Variants in TET1 observed in about 807,000 individuals in gnomAD.
The protein encoded by TET1 is methylcytosine dioxygenase TET1.
TET1 carries 13 observed loss-of-function variants against 148.7 expected under a neutral mutation model. The ratio of observed to expected loss-of-function variants is 0.09; its 90% confidence interval spans 0.06 to 0.14. The LOEUF is 0.14. TET1 is among the 10% of genes least tolerant of loss of function. TET1 has a pLI of 1.00. For synonymous variants in TET1, 907 were observed against 937.2 expected, an observed-to-expected ratio of 0.97 and a Z score of 0.59; for missense variants, 2,182 against 2,553.8, an observed-to-expected ratio of 0.85 and a Z score of 3.14.
chr10:68,673,488 G>T, intron 8 of TET1: 1 of 357,434 alleles, frequency 2.8e-6, no homozygotes, highest in South Asian at 2.3e-5. Flanking sequence ...CGAGGCCATG[G>T]TGAGCAAAGA....
At chr10:68,626,699 C>T (rs959459899) in intron 3 of TET1, among the ~76,000 whole-genome samples, 8 of 151,360 alleles carry the variant, frequency 5.3e-5, no homozygotes, top group African/African-American at 1.9e-4. Flanking sequence ...TATAGGTATG[C>T]GCCACCACAC....
chr10:68,683,264 T>C (rs186610987), intron 10 of TET1, among the ~76,000 whole-genome samples: 30 of 150,848 alleles, frequency 2.0e-4, no homozygotes, highest in Non-Finnish European at 4.0e-4. Flanking sequence ...GCAGGAGTAC[T>C]TTTTTTTAAA....
At chr10:68,600,254 C>T (rs887226498) in intron 2 of TET1, among the ~76,000 whole-genome samples, 4 of 152,162 alleles carry the variant, frequency 2.6e-5, no homozygotes, top group Non-Finnish European at 4.4e-5. Context: ...GGCAGAGCAG[C>T]GCACCCCTCC....
rs140752046 is a variant in TET1, at chr10:68,573,360, C to T, written c.1022C>T (p.Ala341Val). 7.6e-4 allele frequency: 1,222 copies of T among 1,613,998 alleles called. 2 individuals carry two copies. The highest frequency in any genetic ancestry group is 9.7e-4 in the Non-Finnish European group (1,145 of 1,180,032). Reference sequence around the variant, plus strand: ...GGCTCAAAACAAGCGACCCTTGGTGCTAAACCAGATCATCAAGAGGCCTTC... The same window carrying T: ...GGCTCAAAACAAGCGACCCTTGGTGTTAAACCAGATCATCAAGAGGCCTTC... ...LAGSKQATLG[A>V]KPDHQEAFEA... The change falls in exon 2 of 12, where the codon GCT becomes GTT. Residue 341 changes from alanine to valine, a missense_variant. This residue lies in a region of TET1 where 665 missense variants were observed against 672.4 expected (regional missense o/e 0.99). Transcript: ENST00000373644.
rs142856098 is a variant in TET1 at position 68,608,372 on chromosome 10, A to G, written c.1968+7338A>G. On this transcript the variant is annotated intron_variant, in intron 3 of 11. Coordinates refer to ENST00000373644, the MANE Select transcript of TET1 (RefSeq NM_030625.3). Reference sequence around the variant, plus strand: ...TACCTCAACCTCCCGAGTAACTGGGATTACAGGCGTCCGCCACCATGCCTG... The same window carrying G: ...TACCTCAACCTCCCGAGTAACTGGGGTTACAGGCGTCCGCCACCATGCCTG... 1.5e-4 allele frequency among the ~76,000 whole-genome samples: 23 copies of G among 152,014 alleles called. No individual in the cohort carries two copies. The East Asian group carries it at 4.5e-3, about 29-fold the overall frequency.
chr10:68,639,161 C>A (rs1336378595), intron 3 of TET1, among the ~76,000 whole-genome samples: 1 of 144,716 alleles, frequency 6.9e-6, no homozygotes, highest in African/African-American at 2.5e-5. Flanking sequence ...TTTTTTTTTT[C>A]TTTTAAGACA....
At chr10:68,688,962 C>T (rs1381201006) in intron 11 of TET1, among the ~76,000 whole-genome samples, 1 of 152,104 alleles carries the variant, frequency 6.6e-6, no homozygotes, top group East Asian at 1.9e-4. Context: ...GTTGGCAGTG[C>T]AGGCATTTAT....
At chr10:68,678,635 G>A (rs2055395389) in intron 8 of TET1, among the ~76,000 whole-genome samples, 1 of 151,594 alleles carries the variant, frequency 6.6e-6, no homozygotes, top group Admixed American at 6.6e-5. Flanking sequence ...CTGTAATTCC[G>A]GCTACTCAAG....
intron 6 of TET1, among the ~76,000 whole-genome samples, chr10:68,654,151 C>A (rs530026897): frequency 2.1e-5 from 3 of 142,466 alleles, no homozygotes; most frequent in Non-Finnish European, 4.6e-5. Flanking sequence ...GAATGCCTTT[C>A]GGGGGAGGGA....
intron 2 of TET1, among the ~76,000 whole-genome samples, chr10:68,597,945 A>G (rs1345866271): frequency 1.3e-5 from 2 of 152,226 alleles, no homozygotes; most frequent in Non-Finnish European, 2.9e-5. Context: ...AATGGAAGTC[A>G]GTATGGGCTG....
chr10:68,689,495 G>A (rs1455266001), intron 11 of TET1, among the ~76,000 whole-genome samples: 2 of 151,884 alleles, frequency 1.3e-5, no homozygotes, highest in Non-Finnish European at 2.9e-5. Flanking sequence ...GAGGTCAGGA[G>A]TTCAAGACCA....
intron 3 of TET1, among the ~76,000 whole-genome samples, chr10:68,643,344 A>G (rs2054789350): frequency 1.3e-5 from 2 of 152,182 alleles, no homozygotes; most frequent in South Asian, 4.2e-4. Flanking sequence ...TAAAAATAAC[A>G]CAATGCCCAT....
Position 68,647,980 on chromosome 10 carries a change from C to T in TET1, c.4276+975C>T, listed in dbSNP as rs530258814. Among the ~76,000 whole-genome samples the T allele has an allele frequency of 9.8e-5, 15 of 152,288 alleles. No homozygotes were observed. In the East Asian group the frequency reaches 1.3e-3, roughly 14 times the overall value. ...TAAAGAAATTCCATAATCTTGGCCA[C>T]TTGAAGAATTCATAAGCCTTTCTGA... On this transcript the variant is annotated intron_variant, in intron 4 of 11. Coordinates refer to ENST00000373644, the MANE Select transcript of TET1 (RefSeq NM_030625.3).
intron 5 of TET1, 101 bp from the exon 6 acceptor site, chr10:68,652,400 G>T (rs1023681907): frequency 4.2e-6 from 3 of 716,276 alleles, no homozygotes; most frequent in African/African-American, 3.7e-5. Context: ...TTGAACTTCT[G>T]TACATCTATA....
intron 6 of TET1, among the ~76,000 whole-genome samples, chr10:68,661,196 A>ATTTTTTTTTTTTTTTTTTTTT (rs974912892): frequency 1.3e-5 from 1 of 78,630 alleles, no homozygotes; most frequent in African/African-American, 6.3e-5. Context: ...CGCCTGGCTA[A>ATTTTTTTTTTTTTTTTTTTTT]TTTTTTTTTT....
intron 6 of TET1, among the ~76,000 whole-genome samples, chr10:68,655,432 A>G (rs1039161674): frequency 6.6e-6 from 1 of 152,206 alleles, no homozygotes; most frequent in Non-Finnish European, 1.5e-5. Context: ...ATTGAGCTAT[A>G]TCTGTTAGCT....
At chr10:68,590,925 G>A (rs190551825) in intron 2 of TET1, among the ~76,000 whole-genome samples, 11 of 150,860 alleles carry the variant, frequency 7.3e-5, no homozygotes, top group African/African-American at 2.4e-4. Context: ...GCACGATCTC[G>A]GCTCATTGCA....
chr10:68,640,628 T>C (rs1244657283), intron 3 of TET1, among the ~76,000 whole-genome samples: 1 of 135,408 alleles, frequency 7.4e-6, no homozygotes, highest in East Asian at 2.5e-4. Flanking sequence ...CTAGGCTCAC[T>C]GCAGGCTCCG....
At chr10:68,690,531 C>T (rs1270352353) in intron 11 of TET1, among the ~76,000 whole-genome samples, 4 of 152,122 alleles carry the variant, frequency 2.6e-5, no homozygotes, top group African/African-American at 4.8e-5. Flanking sequence ...TGGCATGAGC[C>T]GAGATCGTGC....
Sources: allele counts gnomAD v4.1 joint callset (sites outside exome capture counted in the v4.1 genomes callset), GRCh38; gene constraint gnomAD v4.1.1; regional missense constraint gnomAD v4.1.1; transcripts MANE v1.5; gene names NCBI Gene and HGNC (gene_info 2026-07-23, HGNC 2026-07-21).